The following SOSTDC1 variants were observed in gnomAD, a reference collection of about 807,000 sequenced individuals.
SOSTDC1 encodes sclerostin domain containing 1.
SOSTDC1 carries 7 observed loss-of-function variants against 15.1 expected under a neutral mutation model. That is an observed-to-expected ratio of 0.46 (90% CI 0.26 to 0.87). SOSTDC1 has a LOEUF of 0.87. Ranked by LOEUF, SOSTDC1 falls within the 40% of genes least tolerant of loss-of-function variation. SOSTDC1 has a pLI of 0.15. For missense variants in SOSTDC1, 242 were observed against 259.2 expected, an observed-to-expected ratio of 0.93 and a Z score of 0.46; for synonymous variants, 94 against 93.2, an observed-to-expected ratio of 1.01 and a Z score of -0.05.
At chr7:16,464,769 A>C (rs1376690468) in intron 1 of SOSTDC1, among the ~76,000 whole-genome samples, 1 of 152,152 alleles carries the variant, frequency 6.6e-6, no homozygotes, top group Non-Finnish European at 1.5e-5. Flanking sequence ...GTGGTCAATT[A>C]GTGTGTCAAC....
intron 1 of SOSTDC1, chr7:16,464,305 C>T: frequency 6.5e-7 from 1 of 1,545,976 alleles, no homozygotes; most frequent in South Asian, 1.2e-5. Context: ...CTGATTCTGC[C>T]TCCAGCTCAC....
In SOSTDC1 at chr7:16,461,874, A is replaced by C. The variant is rs1487745745; in HGVS notation, c.*674T>G. The C allele has an allele frequency of 1.3e-5, 2 of 152,648 alleles. No individual in the cohort carries two copies. The highest frequency in any genetic ancestry group is 2.9e-5 in the Non-Finnish European group (2 of 68,030). The allele number at this position is 152,648 out of a possible 1,614,324, so 9.5% of individuals were successfully genotyped here. ...ACAAATCACATGTGAAAGCTCATTA[A>C]ATAATAACATTGACAAATAAATAGT... On this transcript the variant is annotated 3_prime_UTR_variant, in exon 2 of 2. Coordinates refer to ENST00000307068, the MANE Select transcript of SOSTDC1 (RefSeq NM_015464.3).
At chr7:16,465,130 CG>C (rs984637276) in intron 1 of SOSTDC1, among the ~76,000 whole-genome samples, 8 of 152,076 alleles carry the variant, frequency 5.3e-5, no homozygotes, top group Admixed American at 2.0e-4. Flanking sequence ...ACAAAACAAC[CG>C]GAACTTGAGC....
At chr7:16,464,551 C>T (rs1781263688) in intron 1 of SOSTDC1, among the ~76,000 whole-genome samples, 1 of 152,128 alleles carries the variant, frequency 6.6e-6, no homozygotes. Flanking sequence ...CATTAACAGT[C>T]AAATTTGCTT....
chr7:16,464,606 G>A (rs945962749), intron 1 of SOSTDC1, among the ~76,000 whole-genome samples: 8 of 152,124 alleles, frequency 5.3e-5, no homozygotes, highest in Non-Finnish European at 1.0e-4. Flanking sequence ...TGAATGGAGT[G>A]AAGAAGGAGA....
chr7:16,463,463 C>T (rs749333315), intron 1 of SOSTDC1, among the ~76,000 whole-genome samples: 3 of 152,034 alleles, frequency 2.0e-5, no homozygotes, highest in Non-Finnish European at 2.9e-5. Flanking sequence ...AATGCATATG[C>T]TCTCGGTAAT....
intron 1 of SOSTDC1, 38 bp downstream of exon 1, chr7:16,465,426 A>G (rs1415032191): frequency 6.6e-7 from 1 of 1,517,804 alleles, no homozygotes; most frequent in Admixed American, 1.8e-5. Flanking sequence ...TGCTACCAGA[A>G]AAGAAAAAAA....
At chr7:16,465,261 A>G (rs1340244798) in intron 1 of SOSTDC1, among the ~76,000 whole-genome samples, 2 of 152,230 alleles carry the variant, frequency 1.3e-5, no homozygotes, top group Non-Finnish European at 2.9e-5. Context: ...TGCTTGCACT[A>G]TTAAACCACT....
rs1354710489 is a variant in SOSTDC1, at chr7:16,462,774, C to G, written c.395G>C (p.Arg132Pro). ...GGTACGGGTTTTGTCATTGACACAC[C>G]GCCACTCCTGGGAGCTCCTCCTGCT... ...YWSRRSSQEW[R>P]CVNDKTRTQR... Residue 132 changes from arginine (R) to proline (P), a missense_variant, in exon 2 of 2, where the codon CGG (arginine) becomes CCG (proline). Transcript: ENST00000307068. 1 of 1,614,014 alleles carries G rather than the reference C, an allele frequency of 6.2e-7. No individual in the cohort carries two copies. The highest frequency in any genetic ancestry group is 1.7e-5 in the Admixed American group (1 of 60,002).
At position 16,462,798 on chromosome 7, in the gene SOSTDC1, C is replaced by T. The variant is rs1336412693; in HGVS notation, c.371G>A (p.Ser124Asn). Residue 124 changes from serine to asparagine, a missense_variant, in exon 2 of 2, where the codon AGC (serine) becomes AAC (asparagine). Coordinates refer to ENST00000307068, the MANE Select transcript of SOSTDC1 (RefSeq NM_015464.3). ...IGGGYGTKYW[S>N]RRSSQEWRCV... ...CCGCCACTCCTGGGAGCTCCTCCTGCTCCAGTACTTTGTTCCATAGCCTCC... is the reference window on the plus strand; with the variant it reads ...CCGCCACTCCTGGGAGCTCCTCCTGTTCCAGTACTTTGTTCCATAGCCTCC... The T allele has an allele frequency of 6.2e-7, 1 of 1,614,094 alleles. No individual in the cohort carries two copies. The highest frequency in any genetic ancestry group is 8.5e-7 in the Non-Finnish European group (1 of 1,180,042).
Position 16,465,562 on chromosome 7 carries a change from A to G in SOSTDC1, c.107T>C (p.Val36Ala). 1 of 1,614,206 alleles carries G rather than the reference A, an allele frequency of 6.2e-7. No homozygotes were observed. The part of the protein sequence containing the change: ...NDATEILYSH[V>A]VKPVPAHPSS... ...GGGGTGTGCTGGAACAGGTTTAACC[A>G]CATGTGAATAAAGGATTTCTGTGGC... The change falls in exon 1 of 2, where the codon GTG (valine) becomes GCG (alanine). Residue 36 changes from valine to alanine, a missense_variant. By Grantham distance (64) the Val-to-Ala change is moderately conservative. Coordinates refer to ENST00000307068, the MANE Select transcript of SOSTDC1 (RefSeq NM_015464.3).
intron 1 of SOSTDC1, 145 bp downstream of exon 1, chr7:16,465,319 A>G: frequency 1.4e-6 from 1 of 693,718 alleles, no homozygotes; most frequent in South Asian, 1.9e-5. Context: ...AAGAATGCCA[A>G]CCTGCACATG....
At position 16,465,537 on chromosome 7, in the gene SOSTDC1, G is replaced by A. The variant is rs1233261176; in HGVS notation, c.132C>T (p.Pro44=). 1.9e-6 allele frequency: 3 copies of A among 1,613,996 alleles called. No individual in the cohort carries two copies. The highest frequency in any genetic ancestry group is 2.7e-5 in the African/African-American group (2 of 74,918). Residue 44 remains proline, a synonymous_variant, in exon 1 of 2, where the codon CCC becomes CCT. Coordinates refer to ENST00000307068, the MANE Select transcript of SOSTDC1 (RefSeq NM_015464.3). ...CTTGATTCAACGTGCTGTTGCTGCT[G>A]GGGTGTGCTGGAACAGGTTTAACCA... ...SHVVKPVPAH[P]SSNSTLNQAR...
At chr7:16,463,999 GAAA>G (rs879543604) in intron 1 of SOSTDC1, among the ~76,000 whole-genome samples, 5 of 142,572 alleles carry the variant, frequency 3.5e-5, no homozygotes, top group African/African-American at 5.1e-5. Context: ...TGCCAACCAG[GAAA>G]AAAAAAAAGG....
At position 16,462,947 on chromosome 7, in the gene SOSTDC1, A is replaced by G; in HGVS notation, c.222T>C (p.Gly74=). 6.4e-7 allele frequency: 1 copy of G among 1,562,470 alleles called. No individual in the cohort carries two copies. The highest frequency in any genetic ancestry group is 8.7e-7 in the Non-Finnish European group (1 of 1,149,886). ...GLDRNTRVQV[G]CRELRSTKYI... is the part of the protein sequence containing the mutation. ...ATTTGGTGGAACGCAGTTCCCGGCA[A>G]CCCACTTGAACCCGAGCTGCAGGAA... The change falls in exon 2 of 2, where the codon GGT becomes GGC. Residue 74 remains glycine (G), a synonymous_variant. Transcript: ENST00000307068.
At position 16,462,974 on chromosome 7, in the gene SOSTDC1, CAA is replaced by C; in HGVS notation, c.206-13_206-12del. 6.6e-7 allele frequency: 1 copy of C among 1,511,166 alleles called. No individual in the cohort carries two copies. The highest frequency in any genetic ancestry group is 1.3e-5 in the South Asian group (1 of 74,704). The allele number at this position is 1,511,166 out of a possible 1,614,324, so 93.6% of individuals were successfully genotyped here. On this transcript the variant is annotated splice_polypyrimidine_tract_variant and intron_variant, in intron 1 of 1. Transcript: ENST00000307068. The stretch of plus-strand genomic sequence containing the variant: ...CCACTTGAACCCGAGCTGCAGGAAA[CAA>C]AAAAGAATGTGCATCAGAGAAAAAA...
intron 1 of SOSTDC1, chr7:16,464,414 T>G: frequency 1.3e-6 from 2 of 1,495,918 alleles, no homozygotes; most frequent in South Asian, 2.4e-5. Flanking sequence ...TTGGCATTTT[T>G]GCAGTGACAG....
Position 16,462,061 on chromosome 7 carries a change from A to G in SOSTDC1, c.*487T>C, listed in dbSNP as rs75086831. ...GGGTCTTTCATTCTCTTTCAAAGGA[A>G]GATCACTCATGGCTGCTAAACTGTT... On this transcript the variant is annotated 3_prime_UTR_variant, in exon 2 of 2. Transcript: ENST00000307068. 8.0e-3 allele frequency: 1,235 copies of G among 155,244 alleles called. 15 individuals carry two copies. Among genetic ancestry groups the G allele is most frequent in the African/African-American group, 0.028 (1,179 of 41,568 alleles). 9.6% of individuals were successfully genotyped at this position (155,244 alleles called of 1,614,324 possible). A position where few individuals can be genotyped will look rare whatever the true frequency, so the allele number is the denominator to read the frequency against.
In SOSTDC1 at chr7:16,465,686, C is replaced by T. The variant is rs768545948; in HGVS notation, c.-18G>A. 1 of 1,608,818 alleles carries T rather than the reference C, an allele frequency of 6.2e-7. No individual in the cohort carries two copies. Among genetic ancestry groups the T allele is most frequent in the Admixed American group, 1.7e-5 (1 of 59,976 alleles). ...GGAAGCATGGTGAGTAGAGGATTTG[C>T]TTGACTGAAGAGCTGGTTAATTCTT... On this transcript the variant is annotated 5_prime_UTR_variant, in exon 1 of 2. Coordinates refer to ENST00000307068, the MANE Select transcript of SOSTDC1 (RefSeq NM_015464.3).
Sources: allele counts gnomAD v4.1 joint callset (sites outside exome capture counted in the v4.1 genomes callset), GRCh38; gene constraint gnomAD v4.1.1; transcripts MANE v1.5; gene names NCBI Gene and HGNC (gene_info 2026-07-23, HGNC 2026-07-21).